The following OVCH2 variants were observed in gnomAD, a reference collection of about 807,000 sequenced individuals.
OVCH2 encodes ovochymase-2.
Under a neutral mutation model 73.7 loss-of-function variants are expected in OVCH2, and 88 were observed. The observed-to-expected ratio is 1.19, with a 90% CI of 1.01 to 1.43. The LOEUF is 1.43. Among genes scored for constraint, OVCH2 ranks in the 40% most tolerant of loss-of-function variants. The pLI is 0.00. For missense variants in OVCH2, 706 were observed against 674.5 expected, an observed-to-expected ratio of 1.05 and a Z score of -0.52; for synonymous variants, 265 against 234.5, an observed-to-expected ratio of 1.13 and a Z score of -1.19.
rs1856191796 is a variant in OVCH2 at position 7,690,012 on chromosome 11, T to C, written c.1641A>G (p.Val547=). ...ATATGGAGATGTTTAAATCTGGGTA[T>C]ACTGGGTATAAGTATGATACAATTA... ...QATVSFIPKA[V]YPDLNISISE... The change falls in exon 15 of 16, where the codon GTA becomes GTG. Residue 547 remains valine (V), a splice_region_variant and synonymous_variant. Coordinates refer to ENST00000533663, the MANE Select transcript of OVCH2 (RefSeq NM_198185.7). The C allele has an allele frequency of 1.5e-5, 23 of 1,506,756 alleles. No homozygotes were observed. Among genetic ancestry groups the C allele is most frequent in the Non-Finnish European group, 2.1e-5 (23 of 1,120,322 alleles). 93.3% of individuals were successfully genotyped at this position (1,506,756 alleles called of 1,614,324 possible). A position where few individuals can be genotyped will look rare whatever the true frequency, so the allele number is the denominator to read the frequency against.
downstream of OVCH2, among the ~76,000 whole-genome samples, chr11:7,688,517 T>C (rs775999744): frequency 1.3e-5 from 2 of 152,164 alleles, no homozygotes; most frequent in Non-Finnish European, 2.9e-5. Flanking sequence ...ATGAGGTCAT[T>C]GTCAAAGAAG....
intron 12 of OVCH2, among the ~76,000 whole-genome samples, chr11:7,694,404 C>G (rs1297263445): frequency 6.6e-6 from 1 of 152,138 alleles, no homozygotes; most frequent in African/African-American, 2.4e-5. Flanking sequence ...CCTTAAGACC[C>G]TCTTAAACCA....
the OVCH2 span, among the ~76,000 whole-genome samples, chr11:7,683,737 G>T: frequency 2.0e-5 from 3 of 152,094 alleles, no homozygotes; most frequent in African/African-American, 7.2e-5. Flanking sequence ...CTGACCTCCT[G>T]GCTGGCTTTC....
chr11:7,704,318 C>A (rs1856494962), intron 2 of OVCH2, among the ~76,000 whole-genome samples: 1 of 152,138 alleles, frequency 6.6e-6, no homozygotes, highest in Non-Finnish European at 1.5e-5. Context: ...ATTCTTTACC[C>A]TACCTCTCCA....
the OVCH2 span, among the ~76,000 whole-genome samples, chr11:7,683,759 G>T: frequency 1.3e-5 from 2 of 152,100 alleles, no homozygotes; most frequent in African/African-American, 4.8e-5. Flanking sequence ...TATATATCAG[G>T]CATGCTCTTA....
At chr11:7,703,562 T>A (rs956446082) in intron 3 of OVCH2, 136 bp downstream of exon 3, 2 of 635,556 alleles carry the variant, frequency 3.1e-6, no homozygotes, top group East Asian at 3.2e-5. Context: ...ATTTGTGTCA[T>A]GCAATTAGGA....
Position 7,706,162 on chromosome 11 carries a change from A to C in OVCH2, c.88+145T>G. On this transcript the variant is annotated intron_variant, in intron 1 of 15. Coordinates refer to ENST00000533663, the MANE Select transcript of OVCH2 (RefSeq NM_198185.7). The stretch of plus-strand genomic sequence containing the variant: ...TATGCCGATTGCAGGAGATAAGTCC[A>C]AAATAATTGTTTAAAAACAATTAGA... The C allele has an allele frequency of 2.3e-6, 2 of 873,322 alleles. 1 individual carries two copies. The highest frequency in any genetic ancestry group is 3.7e-5 in the South Asian group (2 of 54,426). The allele number at this position is 873,322 out of a possible 1,614,324, so 54.1% of individuals were successfully genotyped here. A position where few individuals can be genotyped will look rare whatever the true frequency, so the allele number is the denominator to read the frequency against.
chr11:7,694,874 G>C (rs187563006), intron 12 of OVCH2, among the ~76,000 whole-genome samples, 184 bp downstream of exon 12: 2 of 149,836 alleles, frequency 1.3e-5, no homozygotes, highest in Non-Finnish European at 3.0e-5. Flanking sequence ...TGTAGTTGCA[G>C]GGGAAACTGG....
downstream of OVCH2, among the ~76,000 whole-genome samples, chr11:7,688,643 A>T (rs2136148541): frequency 6.6e-6 from 1 of 151,410 alleles, no homozygotes; most frequent in Admixed American, 6.6e-5. Flanking sequence ...AAATAAAAAT[A>T]AAAAATAAAG....
chr11:7,701,642 A>T (rs2136161409), intron 5 of OVCH2, 74 bp downstream of exon 5: 1 of 1,498,736 alleles, frequency 6.7e-7, no homozygotes, highest in Non-Finnish European at 9.1e-7. Context: ...AAAATGGATT[A>T]AAAATTCCAT....
intron 12 of OVCH2, among the ~76,000 whole-genome samples, chr11:7,694,044 A>G (rs1046636553): frequency 3.9e-5 from 6 of 152,182 alleles, no homozygotes; most frequent in African/African-American, 1.4e-4. Context: ...CTCCTCCCAC[A>G]TCTCAGAGTT....
downstream of OVCH2, among the ~76,000 whole-genome samples, chr11:7,688,635 A>C (rs140059164): frequency 3.3e-5 from 5 of 151,902 alleles, no homozygotes; most frequent in African/African-American, 1.2e-4. Flanking sequence ...ATTTATAAAA[A>C]TAAAAATAAA....
intron 5 of OVCH2, 53 bp downstream of exon 5, chr11:7,701,663 C>T: frequency 6.5e-7 from 1 of 1,535,616 alleles, no homozygotes; most frequent in Non-Finnish European, 8.9e-7. Flanking sequence ...TTTCTGATTG[C>T]CCACCAGAAA....
chr11:7,697,033 T>G, intron 8 of OVCH2: 1 of 494,764 alleles, frequency 2.0e-6, no homozygotes, highest in Non-Finnish European at 3.5e-6. Context: ...TCTCTCTTTT[T>G]ATTTTATTTT....
At position 7,702,253 on chromosome 11, in the gene OVCH2, TGA is replaced by T; in HGVS notation, c.365_366del (p.Leu122HisfsTer3). On this transcript the variant is annotated frameshift_variant, in exon 4 of 16. Transcript: ENST00000533663. LOFTEE classifies it high-confidence loss of function. ...GGATGTATGATGACAGTTTCAATAG[TGA>T]GAGTTTGCTCTCCTGGGTCTGTCTG... ...LSQTDPGEQT[L>X]TIETVIIHPH... The T allele has an allele frequency of 6.2e-7, 1 of 1,612,856 alleles. No homozygotes were observed. The highest frequency in any genetic ancestry group is 1.1e-5 in the South Asian group (1 of 90,894).
At chr11:7,698,723 A>G (rs1856379954) in intron 8 of OVCH2, 27 bp downstream of exon 8, 1 of 1,606,284 alleles carries the variant, frequency 6.2e-7, no homozygotes, top group Non-Finnish European at 8.5e-7. Context: ...TGTGCTCCTG[A>G]TGGAGCAGCC....
intron 1 of OVCH2, among the ~76,000 whole-genome samples, chr11:7,704,941 C>A (rs1373612897): frequency 6.6e-6 from 1 of 152,150 alleles, no homozygotes; most frequent in African/African-American, 2.4e-5. Context: ...AAACTCCTCC[C>A]TCTTTATGTA....
At chr11:7,705,801 G>A (rs1856519470) in intron 1 of OVCH2, 1 of 152,266 alleles carries the variant, frequency 6.6e-6, no homozygotes, top group South Asian at 2.1e-4. Flanking sequence ...CAGAAAACAT[G>A]TTGATTCTCA....
intron 8 of OVCH2, chr11:7,697,083 G>T (rs1856351766): frequency 2.5e-6 from 1 of 404,626 alleles, no homozygotes; most frequent in African/African-American, 2.0e-5. Context: ...CTCACCGAGG[G>T]TGGAGTGCAG....
Sources: gnomAD v4.1 joint callset for allele counts (sites outside exome capture counted in the v4.1 genomes callset) on GRCh38, gnomAD v4.1.1 for gene constraint, MANE v1.5 for transcripts, NCBI Gene and HGNC (gene_info 2026-07-23, HGNC 2026-07-21) for gene names.